Variants in PDE8B observed in about 807,000 individuals in gnomAD.
PDE8B encodes high affinity cAMP-specific and IBMX-insensitive 3',5'-cyclic phosphodiesterase 8B.
Under a neutral mutation model 101.3 loss-of-function variants are expected in PDE8B, and 26 were observed. The observed-to-expected ratio is 0.26, with a 90% CI of 0.19 to 0.36. PDE8B has a LOEUF of 0.36. PDE8B is among the 10% of genes least tolerant of loss of function. The pLI, the probability that PDE8B is intolerant of heterozygous loss-of-function variation, is 1.00. For missense variants in PDE8B, 810 were observed against 1,163.1 expected (o/e 0.70, Z 4.42); for synonymous variants, 424 against 429.3 (o/e 0.99, Z 0.15).
At chr5:77,137,920 C>T in the PDE8B span, among the ~76,000 whole-genome samples, 3 of 152,048 alleles carry the variant, frequency 2.0e-5, no homozygotes, top group Non-Finnish European at 4.4e-5. Context: ...AGCAAAAGCA[C>T]AGACATGCTG....
Position 77,290,847 on chromosome 5 carries a change from A to G in PDE8B, c.340-21147A>G, listed in dbSNP as rs1767148302. On this transcript the variant is annotated intron_variant, in intron 1 of 21. Transcript: ENST00000264917. Reference sequence around the variant, plus strand: ...TGTCTGCCTCTGGAAAGGAGCTCCAACCACTTCCCTCATTAGTGTGGCTGT... The same window carrying G: ...TGTCTGCCTCTGGAAAGGAGCTCCAGCCACTTCCCTCATTAGTGTGGCTGT... 3.2e-6 allele frequency: 5 copies of G among 1,554,484 alleles called. No homozygotes were observed. The South Asian group carries it at 3.3e-5, about 10-fold the overall frequency.
At chr5:77,111,479 A>G in the PDE8B span, among the ~76,000 whole-genome samples, 2 of 152,226 alleles carry the variant, frequency 1.3e-5, no homozygotes, top group Non-Finnish European at 2.9e-5. Context: ...TTGTGTTTAC[A>G]TACACAGGGC....
Position 77,426,693 on chromosome 5 carries a change from T to G in PDE8B, c.*139T>G. 2 of 681,724 alleles carry G rather than the reference T, an allele frequency of 2.9e-6. No homozygotes were observed. Among genetic ancestry groups the G allele is most frequent in the Non-Finnish European group, 5.4e-6 (2 of 370,800 alleles). The allele number at this position is 681,724 out of a possible 1,614,324, so 42.2% of individuals were successfully genotyped here. ...TGTTTAATATTTGACCTTGAATCAT[T>G]CAAGTCCCCAAATTTCATTCTTAGA... On this transcript the variant is annotated 3_prime_UTR_variant, in exon 22 of 22. Coordinates refer to ENST00000264917, the MANE Select transcript of PDE8B (RefSeq NM_003719.5).
At chr5:77,089,173 G>A in the PDE8B span, among the ~76,000 whole-genome samples, 178 of 152,236 alleles carry the variant, frequency 1.2e-3, no homozygotes, top group African/African-American at 4.1e-3. Context: ...ATTTACATCC[G>A]CTCCCCATGA....
At chr5:77,257,312 A>G (rs1488098836) in intron 1 of PDE8B, among the ~76,000 whole-genome samples, 1 of 152,220 alleles carries the variant, frequency 6.6e-6, no homozygotes, top group African/African-American at 2.4e-5. Flanking sequence ...AGAGCCAACT[A>G]TATGCTGTCA....
the PDE8B span, among the ~76,000 whole-genome samples, chr5:77,151,041 A>G: frequency 1.2e-4 from 18 of 152,228 alleles, no homozygotes; most frequent in Non-Finnish European, 2.5e-4. Context: ...GAGATTGTCT[A>G]GATGTTCATC....
intron 1 of PDE8B, among the ~76,000 whole-genome samples, chr5:77,213,782 C>T (rs1047949743): frequency 6.6e-6 from 1 of 151,966 alleles, no homozygotes; most frequent in Non-Finnish European, 1.5e-5. Flanking sequence ...CTGGTATTCC[C>T]CAGAGTGCAA....
chr5:77,383,574 G>T (rs1787943882), intron 10 of PDE8B, among the ~76,000 whole-genome samples: 1 of 152,128 alleles, frequency 6.6e-6, no homozygotes, highest in Non-Finnish European at 1.5e-5. Context: ...GTCATGAATG[G>T]TATTGCCTAG....
rs531260974 is a variant in PDE8B, at chr5:77,281,160, C to T, written c.340-30834C>T. Among the ~76,000 whole-genome samples, 10 of 152,304 alleles carry T rather than the reference C, an allele frequency of 6.6e-5. No individual in the cohort carries two copies. The East Asian group carries it at 1.9e-3, about 30-fold the overall frequency. On this transcript the variant is annotated intron_variant, in intron 1 of 21. Coordinates refer to ENST00000264917, the MANE Select transcript of PDE8B (RefSeq NM_003719.5). ...ACTGCCCTTGTGACTTGGCCTCTACCTCAGCTCCAGTTTCATTCTGTTTGC... is the reference window on the plus strand; with the variant it reads ...ACTGCCCTTGTGACTTGGCCTCTACTTCAGCTCCAGTTTCATTCTGTTTGC...
chr5:77,412,156 C>G lies in PDE8B; in HGVS notation c.1633C>G (p.Pro545Ala). The change falls in exon 16 of 22, where the codon CCT becomes GCT. Residue 545 changes from proline to alanine, a missense_variant. Physicochemically the swap from Pro to Ala is conservative, Grantham distance 27. Coordinates refer to ENST00000264917, the MANE Select transcript of PDE8B (RefSeq NM_003719.5). ...GCCAATAACCATCAATGATGTTCCCCCTTGTATCTCTCAATTACTTGATAA... is the reference window on the plus strand; with the variant it reads ...GCCAATAACCATCAATGATGTTCCCGCTTGTATCTCTCAATTACTTGATAA... Reference protein sequence around the residue: ...AMPITINDVPPCISQLLDNEE... With the variant: ...AMPITINDVPACISQLLDNEE... 1 of 1,613,664 alleles carries G rather than the reference C, an allele frequency of 6.2e-7. No homozygotes were observed.
chr5:77,179,029 A>C, the PDE8B span, among the ~76,000 whole-genome samples: 4 of 152,304 alleles, frequency 2.6e-5, no homozygotes, highest in South Asian at 8.3e-4. Flanking sequence ...GTCAAGTCAC[A>C]AGTTCCATCC....
chr5:77,132,007 T>C, the PDE8B span, among the ~76,000 whole-genome samples: 2 of 152,202 alleles, frequency 1.3e-5, no homozygotes, highest in Non-Finnish European at 2.9e-5. Context: ...TGCATAATTA[T>C]TTTGATGCCT....
At chr5:77,414,311 T>C (rs914462737) in intron 17 of PDE8B, among the ~76,000 whole-genome samples, 2 of 152,228 alleles carry the variant, frequency 1.3e-5, no homozygotes, top group Non-Finnish European at 2.9e-5. Context: ...AATTTTGTCT[T>C]CTACTTTTAG....
intron 19 of PDE8B, 47 bp downstream of exon 19, chr5:77,419,934 A>G (rs16874252): frequency 0.036 from 57,146 of 1,607,508 alleles, 1,417 homozygotes; most frequent in African/African-American, 0.13. Context: ...GTACATTTCC[A>G]TAAGAGCCTG....
chr5:77,331,581 G>T, intron 5 of PDE8B, 122 bp downstream of exon 5: 1 of 818,598 alleles, frequency 1.2e-6, no homozygotes, highest in South Asian at 1.4e-5. Context: ...AGGACTGTTG[G>T]GGAAAGGAAG....
chr5:77,235,335 A>G (rs1274479970), intron 1 of PDE8B, among the ~76,000 whole-genome samples: 2 of 152,198 alleles, frequency 1.3e-5, no homozygotes, highest in Non-Finnish European at 2.9e-5. Context: ...AATACTCAGA[A>G]TGGCCTTTGC....
chr5:77,201,874 G>A, the PDE8B span, among the ~76,000 whole-genome samples: 1 of 152,228 alleles, frequency 6.6e-6, no homozygotes, highest in East Asian at 1.9e-4. Flanking sequence ...TCACAATTCT[G>A]GAGCCTAGAA....
intron 10 of PDE8B, among the ~76,000 whole-genome samples, chr5:77,367,591 C>T (rs937859072): frequency 1.3e-4 from 18 of 141,700 alleles, no homozygotes; most frequent in African/African-American, 4.2e-4. Flanking sequence ...AGTGCAGGGG[C>T]GCAATCTCGA....
intron 18 of PDE8B, among the ~76,000 whole-genome samples, chr5:77,418,678 T>C (rs1796042510): frequency 6.6e-6 from 1 of 152,240 alleles, no homozygotes; most frequent in Non-Finnish European, 1.5e-5. Flanking sequence ...GAACACTACA[T>C]AAATATTGAT....
Sources: gnomAD v4.1 joint callset for allele counts (sites outside exome capture counted in the v4.1 genomes callset) on GRCh38, gnomAD v4.1.1 for gene constraint, MANE v1.5 for transcripts, NCBI Gene and HGNC (gene_info 2026-07-23, HGNC 2026-07-21) for gene names.